AIG1: variants seen among roughly 807,000 people sequenced by gnomAD.
AIG1 encodes the protein androgen induced 1.
Under a neutral mutation model 31.4 loss-of-function variants are expected in AIG1, and 23 were observed. The observed-to-expected ratio is 0.73, with a 90% CI of 0.53 to 1.04. The LOEUF (loss-of-function observed/expected upper bound fraction) is 1.04, where lower values mean the gene tolerates loss of function less well. Ranked by LOEUF, AIG1 falls within the 50% of genes least tolerant of loss-of-function variation. The pLI, the probability that AIG1 is intolerant of heterozygous loss-of-function variation, is 0.00. For synonymous variants in AIG1, 100 were observed against 110.5 expected (o/e 0.90, Z 0.60); for missense variants, 274 against 295.0 (o/e 0.93, Z 0.52).
chr6:143,269,969 T>C (rs1169427871), intron 3 of AIG1, among the ~76,000 whole-genome samples: 1 of 152,160 alleles, frequency 6.6e-6, no homozygotes, highest in East Asian at 1.9e-4. Context: ...TTCTGTGATA[T>C]GGTATAGTAT....
At chr6:143,154,983 G>T (rs1029747054) in intron 2 of AIG1, among the ~76,000 whole-genome samples, 1 of 151,114 alleles carries the variant, frequency 6.6e-6, no homozygotes, top group Admixed American at 6.6e-5. Context: ...GAATAGCTGA[G>T]ATTTCAGACA....
chr6:143,148,420 G>A (rs960044894), intron 2 of AIG1, among the ~76,000 whole-genome samples: 1 of 151,996 alleles, frequency 6.6e-6, no homozygotes, highest in Non-Finnish European at 1.5e-5. Context: ...GAGCTGGGAG[G>A]ATCCCTTGAG....
chr6:143,336,525 G>C (rs952882380), intron 5 of AIG1, among the ~76,000 whole-genome samples: 16 of 152,114 alleles, frequency 1.1e-4, no homozygotes, highest in Admixed American at 9.2e-4. Flanking sequence ...GACCTCATTT[G>C]TAAATACTTA....
chr6:143,294,793 G>C (rs537152690), intron 4 of AIG1, among the ~76,000 whole-genome samples: 1 of 152,082 alleles, frequency 6.6e-6, no homozygotes, highest in Non-Finnish European at 1.5e-5. Flanking sequence ...TTTAGGTGTT[G>C]TAACCATTTA....
chr6:143,174,504 A>AAAG (rs1314337724), intron 3 of AIG1, among the ~76,000 whole-genome samples: 2 of 151,564 alleles, frequency 1.3e-5, no homozygotes, highest in East Asian at 3.9e-4. Flanking sequence ...AAAAAAAAAA[A>AAAG]AAAAGAAAAG....
At chr6:143,335,166 C>A in intron 5 of AIG1, 14 of 1,325,552 alleles carry the variant, frequency 1.1e-5, no homozygotes, top group Non-Finnish European at 1.4e-5. Context: ...CTGCTGGCCT[C>A]CCCCAACTTC....
chr6:143,190,329 T>A, intron 3 of AIG1: 1 of 985,468 alleles, frequency 1.0e-6, no homozygotes, highest in Non-Finnish European at 1.2e-6. Context: ...AGTGAGCTTT[T>A]GATGCTTGAG....
chr6:143,156,173 G>C (rs1785726700), intron 2 of AIG1, among the ~76,000 whole-genome samples: 1 of 152,182 alleles, frequency 6.6e-6, no homozygotes, highest in African/African-American at 2.4e-5. Flanking sequence ...ATCCCTCTGA[G>C]GTCTCTTGTA....
intron 3 of AIG1, among the ~76,000 whole-genome samples, chr6:143,237,812 G>C (rs1583590666): frequency 6.6e-6 from 1 of 152,188 alleles, no homozygotes; most frequent in Non-Finnish European, 1.5e-5. Flanking sequence ...ACAAGTGAGA[G>C]AAAACATGAC....
At chr6:143,231,933 G>A (rs544250955) in intron 3 of AIG1, among the ~76,000 whole-genome samples, 6 of 152,308 alleles carry the variant, frequency 3.9e-5, no homozygotes, top group African/African-American at 1.4e-4. Flanking sequence ...CAGATTCTAG[G>A]TGGAGACTGG....
intron 1 of AIG1, among the ~76,000 whole-genome samples, chr6:143,084,413 C>T (rs1583113431): frequency 6.6e-6 from 1 of 152,306 alleles, no homozygotes; most frequent in East Asian, 1.9e-4. Context: ...TTTGCCCAGC[C>T]TTTCCCTGTT....
chr6:143,272,067 G>A (rs1442600891), intron 3 of AIG1, among the ~76,000 whole-genome samples: 4 of 151,936 alleles, frequency 2.6e-5, no homozygotes, highest in African/African-American at 7.3e-5. Flanking sequence ...GGTAATTATA[G>A]CATTATGTGG....
intron 3 of AIG1, among the ~76,000 whole-genome samples, chr6:143,242,661 A>T (rs990676616): frequency 1.3e-5 from 2 of 152,228 alleles, no homozygotes; most frequent in African/African-American, 4.8e-5. Context: ...GAGAATCCTA[A>T]ATCCATATGC....
At chr6:143,222,388 G>GT (rs35560385) in intron 3 of AIG1, among the ~76,000 whole-genome samples, 35,209 of 148,770 alleles carry the variant, frequency 0.24, 4,410 homozygotes, top group East Asian at 0.38. Flanking sequence ...GTAGTATCTG[G>GT]TTTTTTTTTT....
chr6:143,181,864 T>G (rs1404857410), intron 3 of AIG1, among the ~76,000 whole-genome samples: 1 of 151,856 alleles, frequency 6.6e-6, no homozygotes, highest in South Asian at 2.1e-4. Context: ...GGATAAGAAG[T>G]TGGAAAAGGG....
intron 4 of AIG1, among the ~76,000 whole-genome samples, chr6:143,317,471 AC>A (rs1775855046): frequency 2.0e-5 from 3 of 152,208 alleles, no homozygotes; most frequent in Admixed American, 2.0e-4. Context: ...TATTATTAAA[AC>A]CCTCAGCAAA....
Position 143,333,228 on chromosome 6 carries a change from A to G in AIG1, c.516-54A>G. ...GTATATTTGCATCATAGCAGCTTTG[A>G]TGCCTGCCATAAGAGTGACTCCTGT... On this transcript the variant is annotated intron_variant, in intron 4 of 5. Transcript: ENST00000357847. The surrounding 1 kb of genome is among the most constrained non-coding windows in gnomAD (Gnocchi z 4.6). 6.6e-7 allele frequency: 1 copy of G among 1,511,654 alleles called. No individual in the cohort carries two copies. Among genetic ancestry groups the G allele is most frequent in the Non-Finnish European group, 8.9e-7 (1 of 1,127,736 alleles). The allele number at this position is 1,511,654 out of a possible 1,614,324, so 93.6% of individuals were successfully genotyped here.
chr6:143,160,299 C>A (rs1786224327), intron 2 of AIG1, among the ~76,000 whole-genome samples: 1 of 152,196 alleles, frequency 6.6e-6, no homozygotes, highest in Admixed American at 6.5e-5. Flanking sequence ...AATAAAGCTT[C>A]TTCTTAGAAG....
At chr6:143,262,937 G>T (rs1031836925) in intron 3 of AIG1, among the ~76,000 whole-genome samples, 1 of 152,112 alleles carries the variant, frequency 6.6e-6, no homozygotes, top group Non-Finnish European at 1.5e-5. Flanking sequence ...AAATAAATCT[G>T]CATAGCCATC....
Sources: allele counts gnomAD v4.1 joint callset (sites outside exome capture counted in the v4.1 genomes callset), GRCh38; gene constraint gnomAD v4.1.1; non-coding constraint Gnocchi (gnomAD v3.1); transcripts MANE v1.5; gene names NCBI Gene and HGNC (gene_info 2026-07-23, HGNC 2026-07-21).